Variants in PIK3CA observed in about 807,000 individuals in gnomAD.
The protein encoded by PIK3CA is phosphatidylinositol-4,5-bisphosphate 3-kinase catalytic subunit alpha, also known as phosphatidylinositol 4,5-bisphosphate 3-kinase catalytic subunit alpha isoform.
PIK3CA carries 27 observed loss-of-function variants against 138.2 expected under a neutral mutation model. The ratio of observed to expected loss-of-function variants is 0.20; its 90% CI spans 0.14 to 0.27. The LOEUF (loss-of-function observed/expected upper bound fraction) is 0.27. Among genes scored for constraint, PIK3CA ranks in the 10% least tolerant of loss-of-function variants. The probability of loss-of-function intolerance (pLI) is 1.00; values close to 1 mark genes in which losing one functional copy is unlikely to be tolerated. For synonymous variants in PIK3CA, 358 were observed against 413.2 expected (o/e 0.87, Z 1.62); for missense variants, 544 against 1,277.4 (o/e 0.43, Z 8.75).
intron 1 of PIK3CA, among the ~76,000 whole-genome samples, chr3:179,180,926 A>G (rs982140928): frequency 1.3e-5 from 2 of 152,208 alleles, no homozygotes; most frequent in South Asian, 4.1e-4. Flanking sequence ...GGATATACAT[A>G]TCCATGTTTA....
At chr3:179,178,585 T>C (rs1723761990) in intron 1 of PIK3CA, among the ~76,000 whole-genome samples, 2 of 152,220 alleles carry the variant, frequency 1.3e-5, no homozygotes, top group South Asian at 4.1e-4. Flanking sequence ...CTATTTCTTA[T>C]AAAGTTAAAC....
intron 1 of PIK3CA, among the ~76,000 whole-genome samples, chr3:179,150,828 G>A (rs1722996903): frequency 6.6e-6 from 1 of 152,194 alleles, no homozygotes; most frequent in African/African-American, 2.4e-5. Context: ...TTTACTTTGT[G>A]TGCCGCTTCT....
intron 1 of PIK3CA, among the ~76,000 whole-genome samples, chr3:179,158,981 AACTT>A (rs1463908361): frequency 1.3e-5 from 2 of 152,172 alleles, no homozygotes; most frequent in African/African-American, 4.8e-5. Context: ...CATGCAGGGT[AACTT>A]ACTTTTCTAA....
At chr3:179,232,766 GT>G (rs1008485547) in intron 20 of PIK3CA, among the ~76,000 whole-genome samples, 1 of 151,976 alleles carries the variant, frequency 6.6e-6, no homozygotes, top group Non-Finnish European at 1.5e-5. Flanking sequence ...TCTCAGCTTG[GT>G]TGTTGTTGGT....
intron 6 of PIK3CA, among the ~76,000 whole-genome samples, chr3:179,206,893 T>C (rs1171972086): frequency 6.9e-6 from 1 of 145,232 alleles, no homozygotes; most frequent in Non-Finnish European, 1.5e-5. Context: ...CAGTCCAGTC[T>C]AGGGGGCAGA....
intron 8 of PIK3CA, 31 bp from the exon 9 acceptor site, chr3:179,210,400 T>C (rs1382604137): frequency 6.2e-7 from 1 of 1,602,202 alleles, no homozygotes; most frequent in Admixed American, 1.8e-5. Context: ...CTCTCTTATG[T>C]ATATATAATA....
chr3:179,236,179 ATT>A lies in PIK3CA; in HGVS notation c.*1818_*1819del, dbSNP rs1725330051. The A allele has an allele frequency of 4.9e-6, 1 of 204,020 alleles. No individual in the cohort carries two copies. Among genetic ancestry groups the A allele is most frequent in the African/African-American group, 2.3e-5 (1 of 43,758 alleles). The allele number at this position is 204,020 out of a possible 1,614,324, so 12.6% of individuals were successfully genotyped here. Reference sequence around the variant, plus strand: ...ATACCAATACTCTTAATATCTGGCTATTTTAGATCCCTTAAAGGGCATAATTA... The same window carrying A: ...ATACCAATACTCTTAATATCTGGCTATTAGATCCCTTAAAGGGCATAATTA... On this transcript the variant is annotated 3_prime_UTR_variant, in exon 21 of 21. Transcript: ENST00000263967.
In PIK3CA at chr3:179,220,155, G is replaced by T. The variant is rs1189259871; in HGVS notation, c.2015+103G>T. Reference sequence around the variant, plus strand: ...ACTTATATACTTTTGTTTATGTTTGGCTGGAAGAGTTTTCCATACTAAAAG... The same window carrying T: ...ACTTATATACTTTTGTTTATGTTTGTCTGGAAGAGTTTTCCATACTAAAAG... On this transcript the variant is annotated intron_variant, in intron 13 of 20. Transcript: ENST00000263967. This position sits in a 1 kb window ranked among gnomAD's most constrained non-coding sequence, Gnocchi z 4.1. 1.3e-5 allele frequency: 13 copies of T among 973,102 alleles called. No homozygotes were observed. Among genetic ancestry groups the T allele is most frequent in the Non-Finnish European group, 1.8e-5 (13 of 705,328 alleles). 60.3% of individuals were successfully genotyped at this position (973,102 alleles called of 1,614,324 possible).
Position 179,219,112 on chromosome 3 carries a change from A to G in PIK3CA, c.1665-84A>G, listed in dbSNP as rs1724906993. ...TGTAAGAAGTTTGGGACTTCTTAAG[A>G]AGATTCATATGGAGAAGTTAGACAT... On this transcript the variant is annotated intron_variant, in intron 10 of 20. Coordinates refer to ENST00000263967, the MANE Select transcript of PIK3CA (RefSeq NM_006218.4). The surrounding 1 kb of genome is among the most constrained non-coding windows in gnomAD (Gnocchi z 4.2). The G allele has an allele frequency of 1.3e-6, 1 of 750,622 alleles. No homozygotes were observed. Among genetic ancestry groups the G allele is most frequent in the African/African-American group, 1.8e-5 (1 of 56,840 alleles). 46.5% of individuals were successfully genotyped at this position (750,622 alleles called of 1,614,324 possible). A position where few individuals can be genotyped will look rare whatever the true frequency, so the allele number is the denominator to read the frequency against.
At chr3:179,196,005 T>C (rs939345576) in intron 1 of PIK3CA, among the ~76,000 whole-genome samples, 2 of 152,226 alleles carry the variant, frequency 1.3e-5, no homozygotes, top group African/African-American at 4.8e-5. Flanking sequence ...AAGTGTTTTA[T>C]TACCATAATC....
intron 1 of PIK3CA, among the ~76,000 whole-genome samples, chr3:179,175,243 T>G (rs1252271003): frequency 6.6e-6 from 1 of 152,232 alleles, no homozygotes; most frequent in African/African-American, 2.4e-5. Context: ...GTTATTCTAC[T>G]CCTACAATTA....
intron 1 of PIK3CA, among the ~76,000 whole-genome samples, chr3:179,162,868 A>G (rs1723319778): frequency 6.6e-6 from 1 of 152,144 alleles, no homozygotes; most frequent in Non-Finnish European, 1.5e-5. Context: ...TTAAAAAAAA[A>G]AAAGTGAGAA....
intron 1 of PIK3CA, among the ~76,000 whole-genome samples, chr3:179,170,074 G>GCACA (rs1553815553): frequency 4.5e-4 from 54 of 119,996 alleles, no homozygotes; most frequent in East Asian, 1.4e-3. Flanking sequence ...ACACGCGCGC[G>GCACA]CGCACACACA....
chr3:179,184,150 C>G (rs571566643), intron 1 of PIK3CA, among the ~76,000 whole-genome samples: 2 of 152,172 alleles, frequency 1.3e-5, no homozygotes, highest in South Asian at 4.1e-4. Flanking sequence ...TTATTTGATT[C>G]ACTTACCAGC....
At chr3:179,168,530 T>TTTTTC (rs1378596894) in intron 1 of PIK3CA, among the ~76,000 whole-genome samples, 2 of 152,130 alleles carry the variant, frequency 1.3e-5, no homozygotes, top group Non-Finnish European at 2.9e-5. Flanking sequence ...CTCCCAGATG[T>TTTTTC]TTTTCTTTTA....
At chr3:179,207,774 C>T (rs57113337) in intron 6 of PIK3CA, among the ~76,000 whole-genome samples, 1 of 152,206 alleles carries the variant, frequency 6.6e-6, no homozygotes, top group East Asian at 1.9e-4. Context: ...TCCACCTTGG[C>T]CTCCCAAAGT....
intron 1 of PIK3CA, among the ~76,000 whole-genome samples, chr3:179,155,000 A>G (rs1723098983): frequency 6.6e-6 from 1 of 152,182 alleles, no homozygotes; most frequent in Non-Finnish European, 1.5e-5. Flanking sequence ...CTTGTCAGGT[A>G]CACTTCGGAT....
intron 1 of PIK3CA, among the ~76,000 whole-genome samples, chr3:179,189,341 C>T (rs957078574): frequency 6.6e-6 from 1 of 152,146 alleles, no homozygotes; most frequent in South Asian, 2.1e-4. Context: ...GTAAAAGATA[C>T]ATAAAGTGAC....
intron 4 of PIK3CA, among the ~76,000 whole-genome samples, chr3:179,202,807 AAGCAAGTGAAC>A (rs1258225370): frequency 6.6e-6 from 1 of 152,206 alleles, no homozygotes; most frequent in Non-Finnish European, 1.5e-5. Context: ...TTGGACAAAA[AAGCAAGTGAAC>A]AGCAGCCTTT....
Sources: allele counts gnomAD v4.1 joint callset (sites outside exome capture counted in the v4.1 genomes callset), GRCh38; gene constraint gnomAD v4.1.1; non-coding constraint Gnocchi (gnomAD v3.1); transcripts MANE v1.5; gene names NCBI Gene and HGNC (gene_info 2026-07-23, HGNC 2026-07-21).